NDC1: variants seen among roughly 807,000 people sequenced by gnomAD.
NDC1 encodes the protein nucleoporin NDC1.
Under a neutral mutation model 89.8 loss-of-function variants are expected in NDC1, and 24 were observed. That is an observed-to-expected ratio of 0.27 (90% CI 0.19 to 0.38). The LOEUF is 0.38. Ranked by LOEUF, NDC1 falls within the 10% of genes least tolerant of loss-of-function variation. The pLI is 1.00. For missense variants in NDC1, 728 were observed against 797.6 expected, an observed-to-expected ratio of 0.91 and a Z score of 1.05; for synonymous variants, 296 against 284.8, an observed-to-expected ratio of 1.04 and a Z score of -0.39.
intron 16 of NDC1, among the ~76,000 whole-genome samples, chr1:53,783,246 A>C (rs1028500154): frequency 1.3e-5 from 2 of 152,128 alleles, no homozygotes; most frequent in African/African-American, 2.4e-5. Context: ...TTACCCACAC[A>C]GACTCTGAAT....
chr1:53,807,600 C>A, intron 8 of NDC1, 56 bp downstream of exon 8: 1 of 1,484,258 alleles, frequency 6.7e-7, no homozygotes, highest in East Asian at 2.3e-5. Context: ...TGCTAAAAAT[C>A]AACTGTGCAC....
chr1:53,785,713 T>C (rs556866788), intron 16 of NDC1, among the ~76,000 whole-genome samples: 2 of 151,894 alleles, frequency 1.3e-5, no homozygotes, highest in African/African-American at 2.4e-5. Flanking sequence ...GCTGGGACTA[T>C]AGGTGCGCAC....
In NDC1 at chr1:53,787,278, A is replaced by AT; in HGVS notation, c.1700-21_1700-20insA. 1 of 1,360,804 alleles carries AT rather than the reference A, an allele frequency of 7.3e-7. No homozygotes were observed. Among genetic ancestry groups the AT allele is most frequent in the Non-Finnish European group, 1.0e-6 (1 of 970,456 alleles). 84.3% of individuals were successfully genotyped at this position (1,360,804 alleles called of 1,614,324 possible). A position where few individuals can be genotyped will look rare whatever the true frequency, so the allele number is the denominator to read the frequency against. ...ACAGACCTCAAGGGAAAAAAAAAAAAGGTTAAAAGTCAATCAAAATTAGGC... is the reference window on the plus strand; with the variant it reads ...ACAGACCTCAAGGGAAAAAAAAAAAATGGTTAAAAGTCAATCAAAATTAGGC... On this transcript the variant is annotated intron_variant, in intron 15 of 17. Coordinates refer to ENST00000371429, the MANE Select transcript of NDC1 (RefSeq NM_018087.5).
At chr1:53,778,262 C>CAT (rs1647178192) in intron 16 of NDC1, among the ~76,000 whole-genome samples, 1 of 83,500 alleles carries the variant, frequency 1.2e-5, no homozygotes, top group Non-Finnish European at 2.4e-5. Flanking sequence ...TGTGTATATA[C>CAT]ACACACACAC....
At chr1:53,792,296 C>T (rs530032535) in intron 14 of NDC1, among the ~76,000 whole-genome samples, 1 of 152,272 alleles carries the variant, frequency 6.6e-6, no homozygotes, top group South Asian at 2.1e-4. Flanking sequence ...AACCCCTCTT[C>T]CTTTTGGTGG....
At chr1:53,792,395 C>T (rs1647549329) in intron 14 of NDC1, among the ~76,000 whole-genome samples, 1 of 152,128 alleles carries the variant, frequency 6.6e-6, no homozygotes, top group Admixed American at 6.5e-5. Flanking sequence ...GTCCCTTCCA[C>T]CATAGTGGAA....
At chr1:53,768,695 T>G (rs149860655) in intron 17 of NDC1, among the ~76,000 whole-genome samples, 7 of 152,368 alleles carry the variant, frequency 4.6e-5, no homozygotes, top group African/African-American at 1.7e-4. Context: ...TTTCTAGTTC[T>G]TGAATAGGTC....
At chr1:53,810,410 A>G (rs1648263810) in intron 6 of NDC1, among the ~76,000 whole-genome samples, 1 of 151,800 alleles carries the variant, frequency 6.6e-6, no homozygotes, top group South Asian at 2.1e-4. Context: ...TAATTAAAAA[A>G]AAGAAGAAAC....
At position 53,800,738 on chromosome 1, in the gene NDC1, C is replaced by T; in HGVS notation, c.1177G>A (p.Val393Met). The change falls in exon 11 of 18, where the codon GTG becomes ATG. Residue 393 changes from valine to methionine, a missense_variant. Coordinates refer to ENST00000371429, the MANE Select transcript of NDC1 (RefSeq NM_018087.5). ...GGTTCCACTGGGTAAGATGAAGACACTCTCCCATTCGTAGCAGCAGCTTCT... is the reference window on the plus strand; with the variant it reads ...GGTTCCACTGGGTAAGATGAAGACATTCTCCCATTCGTAGCAGCAGCTTCT... ...YQEAAATNGR[V>M]SSSYPVEPKK... is the part of the protein sequence containing the mutation. The T allele has an allele frequency of 6.2e-7, 1 of 1,614,110 alleles. No homozygotes were observed. Among genetic ancestry groups the T allele is most frequent in the East Asian group, 2.2e-5 (1 of 44,876 alleles).
At chr1:53,792,031 C>T (rs1167895377) in intron 14 of NDC1, among the ~76,000 whole-genome samples, 2 of 151,982 alleles carry the variant, frequency 1.3e-5, no homozygotes, top group Non-Finnish European at 2.9e-5. Context: ...CAAGCTCCGC[C>T]TCCCGGGTTC....
chr1:53,836,471 A>G (rs920512367), intron 1 of NDC1, among the ~76,000 whole-genome samples: 1 of 148,904 alleles, frequency 6.7e-6, no homozygotes, highest in African/African-American at 2.5e-5. Context: ...AAAAAAAAAG[A>G]ATAAAGTTGA....
chr1:53,797,083 T>C lies in NDC1; in HGVS notation c.1284A>G (p.Leu428=), dbSNP rs762480241. 3.1e-6 allele frequency: 5 copies of C among 1,613,950 alleles called. No homozygotes were observed. The East Asian group carries it at 6.7e-5, about 22-fold the overall frequency. Residue 428 remains leucine (L), a synonymous_variant, in exon 12 of 18, where the codon TTA becomes TTG. Transcript: ENST00000371429. ...SQMPRPSVPP[L]VKTSLFSSKL... ...TTGAAGAAAACAGTGATGTTTTAACTAATGGTGGCACTGAAGGCCGAGGCA... is the reference window on the plus strand; with the variant it reads ...TTGAAGAAAACAGTGATGTTTTAACCAATGGTGGCACTGAAGGCCGAGGCA...
chr1:53,795,328 C>T (rs979453795), intron 13 of NDC1, among the ~76,000 whole-genome samples: 6 of 152,064 alleles, frequency 3.9e-5, no homozygotes, highest in Non-Finnish European at 8.8e-5. Flanking sequence ...ACTATCTATA[C>T]TCTGAAAACT....
In NDC1 at chr1:53,825,843, C is replaced by G. The variant is rs754594650; in HGVS notation, c.549G>C (p.Leu183=). The G allele has an allele frequency of 6.2e-7, 1 of 1,604,870 alleles. No individual in the cohort carries two copies. ...GATAGTTCATGTTGTTAACAAAATACAGGAGGCTATAGCTATAGCCCATAA... is the reference window on the plus strand; with the variant it reads ...GATAGTTCATGTTGTTAACAAAATAGAGGAGGCTATAGCTATAGCCCATAA... ...GAFMGYSYSL[L]YFVNNMNYLP... The change falls in exon 5 of 18, where the codon CTG becomes CTC. Residue 183 remains leucine, a synonymous_variant. Transcript: ENST00000371429.
rs115492484 is a variant in NDC1, at chr1:53,809,846, C to G, written c.704-100G>C. 1.3e-3 allele frequency: 1,071 copies of G among 814,944 alleles called. 11 individuals carry two copies. In the African/African-American group the frequency reaches 0.017, roughly 13 times the overall value. The allele number at this position is 814,944 out of a possible 1,614,324, so 50.5% of individuals were successfully genotyped here. On this transcript the variant is annotated intron_variant, in intron 6 of 17. Transcript: ENST00000371429. Reference sequence around the variant, plus strand: ...GTCAATGACATGGCCACACAGACACCAAGACCTCAGTCAAAATGTTAGACT... The same window carrying G: ...GTCAATGACATGGCCACACAGACACGAAGACCTCAGTCAAAATGTTAGACT...
chr1:53,783,173 G>A (rs1209746721), intron 16 of NDC1, among the ~76,000 whole-genome samples: 1 of 152,058 alleles, frequency 6.6e-6, no homozygotes, highest in African/African-American at 2.4e-5. Flanking sequence ...GGTTGAGAGG[G>A]TATACAAATG....
At chr1:53,770,360 G>A (rs1260285737) in intron 17 of NDC1, among the ~76,000 whole-genome samples, 2 of 152,222 alleles carry the variant, frequency 1.3e-5, no homozygotes, top group East Asian at 3.9e-4. Flanking sequence ...AGGCTAGAGT[G>A]CAGTGGTGCA....
intron 9 of NDC1, among the ~76,000 whole-genome samples, chr1:53,804,475 A>T (rs1648036129): frequency 6.7e-6 from 1 of 150,334 alleles, no homozygotes; most frequent in South Asian, 2.1e-4. Flanking sequence ...GTGATACCTA[A>T]TTTTTTTTTT....
chr1:53,797,220 A>G (rs1647745485), intron 11 of NDC1, 76 bp from the exon 12 acceptor site: 1 of 1,461,626 alleles, frequency 6.8e-7, no homozygotes, highest in Non-Finnish European at 9.3e-7. Flanking sequence ...CAAATTCTAC[A>G]CATACCAAAT....
Sources: gnomAD v4.1 joint callset for allele counts (sites outside exome capture counted in the v4.1 genomes callset) on GRCh38, gnomAD v4.1.1 for gene constraint, MANE v1.5 for transcripts, NCBI Gene and HGNC (gene_info 2026-07-23, HGNC 2026-07-21) for gene names.